The following VXN variants were observed in gnomAD, a reference collection of about 807,000 sequenced individuals.
VXN encodes uncharacterized protein C8orf46.
VXN carries 7 observed loss-of-function variants against 23.1 expected under a neutral mutation model. The observed-to-expected ratio is 0.30, with a 90% confidence interval of 0.17 to 0.57. The LOEUF (loss-of-function observed/expected upper bound fraction) is 0.57, where lower values mean the gene tolerates loss of function less well. VXN is among the 20% of genes least tolerant of loss of function. The pLI, the probability that VXN is intolerant of heterozygous loss-of-function variation, is 0.91. For missense variants in VXN, 238 were observed against 272.6 expected (o/e 0.87, Z 0.89); for synonymous variants, 120 against 105.8 (o/e 1.13, Z -0.83).
In VXN at chr8:66,518,512, T is replaced by C. The variant is rs1404487843; in HGVS notation, c.*2436T>C. On this transcript the variant is annotated 3_prime_UTR_variant, in exon 6 of 6. Coordinates refer to ENST00000305454, the MANE Select transcript of VXN (RefSeq NM_152765.4). Reference sequence around the variant, plus strand: ...AAGTCAGCTTTGTTTGTGACATTCATGCACCACCATAAGAGCATGCCTGAG... The same window carrying C: ...AAGTCAGCTTTGTTTGTGACATTCACGCACCACCATAAGAGCATGCCTGAG... 1.3e-5 allele frequency: 2 copies of C among 152,230 alleles called. No homozygotes were observed. The highest frequency in any genetic ancestry group is 2.9e-5 in the Non-Finnish European group (2 of 68,038). 9.4% of individuals were successfully genotyped at this position (152,230 alleles called of 1,614,324 possible).
chr8:66,514,410 G>A (rs1807860993), intron 5 of VXN: 1 of 152,278 alleles, frequency 6.6e-6, no homozygotes, highest in Non-Finnish European at 1.5e-5. Context: ...ATCTTAGGGG[G>A]TTGTGGTGAG....
Position 66,510,210 on chromosome 8 carries a change from C to A in VXN, c.342+53C>A. 2.8e-6 allele frequency: 4 copies of A among 1,404,898 alleles called. No homozygotes were observed. The South Asian group carries it at 3.8e-5, about 13-fold the overall frequency. The allele number at this position is 1,404,898 out of a possible 1,614,324, so 87.0% of individuals were successfully genotyped here. ...ATCTGTTGTGCATTAAACTTCTGGT[C>A]ATGTCTGATTCTCCTGTGCCATGAA... On this transcript the variant is annotated intron_variant, in intron 4 of 5. Coordinates refer to ENST00000305454, the MANE Select transcript of VXN (RefSeq NM_152765.4).
chr8:66,511,209 G>A (rs1027980318), intron 4 of VXN, among the ~76,000 whole-genome samples: 5 of 152,200 alleles, frequency 3.3e-5, no homozygotes, highest in African/African-American at 1.2e-4. Flanking sequence ...TCTCTGGGCA[G>A]GAATGTCGGG....
At chr8:66,504,581 A>T (rs1465042196) in intron 2 of VXN, among the ~76,000 whole-genome samples, 5 of 152,084 alleles carry the variant, frequency 3.3e-5, no homozygotes, top group African/African-American at 1.2e-4. Context: ...TTTTATTACA[A>T]TTTTTTCCAA....
rs1033215279 is a variant in VXN, at chr8:66,510,475, C to T, written c.342+318C>T. 1.2e-5 allele frequency: 3 copies of T among 254,986 alleles called. No individual in the cohort carries two copies. In the South Asian group the frequency reaches 2.0e-4, roughly 17 times the overall value. 15.8% of individuals were successfully genotyped at this position (254,986 alleles called of 1,614,324 possible). ...GGATGGACTGGTTTCTATCACAGGA[C>T]CCCGCCAGGTAGAAATGCCTGACTA... On this transcript the variant is annotated intron_variant, in intron 4 of 5. Coordinates refer to ENST00000305454, the MANE Select transcript of VXN (RefSeq NM_152765.4).
rs1807901384 is a variant in VXN, at chr8:66,516,750, A to T, written c.*674A>T. 2 of 152,232 alleles carry T rather than the reference A, an allele frequency of 1.3e-5. No homozygotes were observed. Among genetic ancestry groups the T allele is most frequent in the South Asian group, 2.1e-4 (1 of 4,834 alleles). The allele number at this position is 152,232 out of a possible 1,614,324, so 9.4% of individuals were successfully genotyped here. A position where few individuals can be genotyped will look rare whatever the true frequency, so the allele number is the denominator to read the frequency against. ...GGAATCAATAATCCCTTGCTTTGGTATAATAATTTGAACTTTTGAAAGTGC... is the reference window on the plus strand; with the variant it reads ...GGAATCAATAATCCCTTGCTTTGGTTTAATAATTTGAACTTTTGAAAGTGC... On this transcript the variant is annotated 3_prime_UTR_variant, in exon 6 of 6. Transcript: ENST00000305454.
intron 2 of VXN, among the ~76,000 whole-genome samples, chr8:66,503,979 C>A (rs1291914531): frequency 6.6e-6 from 1 of 152,236 alleles, no homozygotes; most frequent in Non-Finnish European, 1.5e-5. Flanking sequence ...TCATTTCCTG[C>A]TACTGGCATC....
At chr8:66,503,691 C>G (rs1248402227) in intron 2 of VXN, among the ~76,000 whole-genome samples, 5 of 152,204 alleles carry the variant, frequency 3.3e-5, no homozygotes, top group Non-Finnish European at 5.9e-5. Flanking sequence ...TAATCTTGCT[C>G]CTATACTCAG....
At chr8:66,500,761 T>TA (rs1563506046) in intron 2 of VXN, among the ~76,000 whole-genome samples, 1 of 152,144 alleles carries the variant, frequency 6.6e-6, no homozygotes, top group Non-Finnish European at 1.5e-5. Context: ...AGCTCCCACT[T>TA]ATAAGTGAGG....
chr8:66,499,779 G>A (rs11984980), intron 2 of VXN, among the ~76,000 whole-genome samples: 20,476 of 151,896 alleles, frequency 0.13, 1,517 homozygotes, highest in Middle Eastern at 0.16. Context: ...GGCTGGTCTC[G>A]AACTCCTGCA....
At chr8:66,504,026 G>T (rs79445490) in intron 2 of VXN, among the ~76,000 whole-genome samples, 546 of 152,292 alleles carry the variant, frequency 3.6e-3, no homozygotes, top group Non-Finnish European at 6.8e-3. Context: ...ACTGTCCCCA[G>T]TCGCGACCTG....
At chr8:66,507,392 T>C (rs1019145884) in intron 3 of VXN, among the ~76,000 whole-genome samples, 1 of 152,190 alleles carries the variant, frequency 6.6e-6, no homozygotes, top group Non-Finnish European at 1.5e-5. Flanking sequence ...TAACTGCCCC[T>C]CTGCCAATTT....
chr8:66,506,576 A>G (rs1807762211), intron 3 of VXN, among the ~76,000 whole-genome samples: 5 of 152,160 alleles, frequency 3.3e-5, no homozygotes, highest in Admixed American at 1.3e-4. Flanking sequence ...AATACACAAT[A>G]GAAAGTCCAG....
intron 1 of VXN, 39 bp downstream of exon 1, chr8:66,493,757 A>G (rs2555585): frequency 2.0e-4 from 316 of 1,556,892 alleles, no homozygotes; most frequent in Middle Eastern, 1.4e-3. Flanking sequence ...TTAACGTGGC[A>G]TCTTAGGCAG....
intron 5 of VXN, 183 bp downstream of exon 5, chr8:66,513,820 T>C: frequency 1.8e-6 from 1 of 558,022 alleles, no homozygotes; most frequent in South Asian, 2.5e-5. Context: ...CCTCATCAAC[T>C]GTTTCCCTAG....
intron 3 of VXN, among the ~76,000 whole-genome samples, chr8:66,506,738 A>G (rs1388827647): frequency 6.6e-6 from 1 of 152,182 alleles, no homozygotes; most frequent in Non-Finnish European, 1.5e-5. Context: ...TTTGATTGCT[A>G]AGAACCTAAT....
chr8:66,506,107 G>A (rs1807753435), intron 3 of VXN, among the ~76,000 whole-genome samples: 1 of 152,132 alleles, frequency 6.6e-6, no homozygotes, highest in South Asian at 2.1e-4. Flanking sequence ...TTCCTCCACA[G>A]GAGGCCCTAC....
intron 1 of VXN, 138 bp from the exon 2 acceptor site, chr8:66,496,299 C>T (rs999392002): frequency 2.5e-5 from 18 of 725,706 alleles, no homozygotes; most frequent in African/African-American, 1.8e-4. Flanking sequence ...TCAATCGCAA[C>T]GACCCTGTCT....
At chr8:66,507,940 A>G (rs555510464) in intron 3 of VXN, among the ~76,000 whole-genome samples, 2 of 152,158 alleles carry the variant, frequency 1.3e-5, no homozygotes, top group Non-Finnish European at 2.9e-5. Flanking sequence ...CCTGGGAGAA[A>G]GATGCTCTGG....
Sources: gnomAD v4.1 joint callset for allele counts (sites outside exome capture counted in the v4.1 genomes callset) on GRCh38, gnomAD v4.1.1 for gene constraint, MANE v1.5 for transcripts, NCBI Gene and HGNC (gene_info 2026-07-23, HGNC 2026-07-21) for gene names.